The following ENTREP1 variants were observed in gnomAD, a reference collection of about 807,000 sequenced individuals.
ENTREP1 encodes the protein endosomal transmembrane epsin interactor 1.
At chr9:69,347,616 A>T in the ENTREP1 span, among the ~76,000 whole-genome samples, 1 of 152,202 alleles carries the variant, frequency 6.6e-6, no homozygotes, top group African/African-American at 2.4e-5. Flanking sequence ...GGACATTGTA[A>T]TTACTGAAAT....
the ENTREP1 span, among the ~76,000 whole-genome samples, chr9:69,348,641 C>A: frequency 2.6e-5 from 4 of 152,142 alleles, no homozygotes; most frequent in African/African-American, 9.7e-5. Context: ...CACTAATGTA[C>A]TTTTTGTCTT....
At chr9:69,383,083 T>G in the ENTREP1 span, 2 of 985,040 alleles carry the variant, frequency 2.0e-6, no homozygotes, top group Non-Finnish European at 1.2e-6. Flanking sequence ...TTGACGGTTC[T>G]TTACCCACAG....
chr9:69,384,018 G>A, the ENTREP1 span: 1 of 1,605,852 alleles, frequency 6.2e-7, no homozygotes, highest in Admixed American at 1.7e-5. Context: ...GCACACAAGT[G>A]ACTCAAGGTA....
chr9:69,377,513 G>A, the ENTREP1 span: 11 of 1,607,226 alleles, frequency 6.8e-6, no homozygotes, highest in Middle Eastern at 1.6e-4. Flanking sequence ...CCACGTTTCC[G>A]CTGAGCCAGC....
chr9:69,351,549 T>A, the ENTREP1 span, among the ~76,000 whole-genome samples: 1 of 152,216 alleles, frequency 6.6e-6, no homozygotes, highest in Non-Finnish European at 1.5e-5. Flanking sequence ...TTGGAGTAGC[T>A]GGGACTACAG....
the ENTREP1 span, chr9:69,324,602 C>A: frequency 1.0e-6 from 1 of 985,382 alleles, no homozygotes. Flanking sequence ...TACCGAGATG[C>A]CGGGAAAGCA....
the ENTREP1 span, chr9:69,385,673 G>A: frequency 1.4e-6 from 2 of 1,388,948 alleles, no homozygotes; most frequent in Non-Finnish European, 1.9e-6. Flanking sequence ...GTTATTAACT[G>A]CATTACCCTT....
the ENTREP1 span, chr9:69,387,748 C>T: frequency 4.6e-5 from 20 of 436,030 alleles, no homozygotes; most frequent in Non-Finnish European, 6.0e-5. Flanking sequence ...CAGCCCCTTC[C>T]TCTCTTAATT....
the ENTREP1 span, among the ~76,000 whole-genome samples, chr9:69,337,252 C>A: frequency 1.3e-5 from 2 of 152,008 alleles, no homozygotes; most frequent in Non-Finnish European, 2.9e-5. Flanking sequence ...AAGTGATCCG[C>A]CTGCCTTGGC....
the ENTREP1 span, among the ~76,000 whole-genome samples, chr9:69,332,492 G>A: frequency 2.6e-5 from 4 of 152,166 alleles, no homozygotes; most frequent in Non-Finnish European, 4.4e-5. Flanking sequence ...TTAATATTGC[G>A]CAATAAACTT....
chr9:69,361,857 C>T, the ENTREP1 span, among the ~76,000 whole-genome samples: 211 of 152,234 alleles, frequency 1.4e-3, 1 homozygote, highest in African/African-American at 4.9e-3. Context: ...TCAGTTTTCT[C>T]AGGACCACTG....
chr9:69,332,989 T>C, the ENTREP1 span, among the ~76,000 whole-genome samples: 1 of 152,146 alleles, frequency 6.6e-6, no homozygotes, highest in Admixed American at 6.6e-5. Flanking sequence ...TAAAATGAAT[T>C]AGAGCTGTTC....
At chr9:69,363,831 T>A in the ENTREP1 span, among the ~76,000 whole-genome samples, 3 of 151,830 alleles carry the variant, frequency 2.0e-5, no homozygotes, top group Non-Finnish European at 4.4e-5. Flanking sequence ...TGCCCATGGG[T>A]AGAGTAAAGG....
the ENTREP1 span, among the ~76,000 whole-genome samples, chr9:69,366,134 C>T: frequency 4.6e-5 from 7 of 152,146 alleles, no homozygotes; most frequent in African/African-American, 7.2e-5. Flanking sequence ...TACTAATTGA[C>T]ATGCCCACCA....
the ENTREP1 span, among the ~76,000 whole-genome samples, chr9:69,348,953 G>A: frequency 6.6e-6 from 1 of 152,184 alleles, no homozygotes; most frequent in East Asian, 1.9e-4. Flanking sequence ...GGAGGCTGAG[G>A]CGGGTGGATC....
the ENTREP1 span, among the ~76,000 whole-genome samples, chr9:69,326,841 G>A: frequency 0.22 from 33,218 of 151,568 alleles, 4,166 homozygotes; most frequent in South Asian, 0.37. Flanking sequence ...GGGGATTAGA[G>A]GCATGAGCCA....
chr9:69,388,307 C>G, the ENTREP1 span: 31 of 1,614,118 alleles, frequency 1.9e-5, no homozygotes, highest in Non-Finnish European at 2.5e-5. Flanking sequence ...GGACACCAAG[C>G]TGCTGGTGGC....
the ENTREP1 span, chr9:69,383,879 G>A: frequency 1.9e-6 from 3 of 1,571,194 alleles, no homozygotes; most frequent in South Asian, 2.2e-5. Context: ...TTTTTAAGGA[G>A]TTCACTGGGT....
the ENTREP1 span, among the ~76,000 whole-genome samples, chr9:69,351,535 G>T: frequency 6.6e-6 from 1 of 152,178 alleles, no homozygotes. Context: ...TCTTGCCTCA[G>T]CCTTTGGAGT....
Sources: allele counts gnomAD v4.1 joint callset (sites outside exome capture counted in the v4.1 genomes callset), GRCh38; gene constraint gnomAD v4.1.1; transcripts MANE v1.5; gene names NCBI Gene and HGNC (gene_info 2026-07-23, HGNC 2026-07-21).